ZC3HC1: variants seen among roughly 807,000 people sequenced by gnomAD.
ZC3HC1 encodes the protein zinc finger C3HC-type protein 1.
Under a neutral mutation model 61.9 loss-of-function variants are expected in ZC3HC1, and 38 were observed. The ratio of observed to expected loss-of-function variants is 0.61; its 90% CI spans 0.47 to 0.81. The LOEUF is 0.81. ZC3HC1 is among the 30% of genes least tolerant of loss of function. ZC3HC1 has a pLI of 0.00. For missense variants in ZC3HC1, 554 were observed against 622.7 expected (o/e 0.89, Z 1.17); for synonymous variants, 213 against 229.9 (o/e 0.93, Z 0.67).
At chr7:130,042,571 G>A (rs931086051) in intron 2 of ZC3HC1, among the ~76,000 whole-genome samples, 3 of 152,152 alleles carry the variant, frequency 2.0e-5, no homozygotes, top group Non-Finnish European at 4.4e-5. Context: ...AGTATCAATG[G>A]GGATGTGTGA....
intron 4 of ZC3HC1, among the ~76,000 whole-genome samples, chr7:130,032,858 G>T (rs934890443): frequency 1.3e-5 from 2 of 148,830 alleles, no homozygotes; most frequent in African/African-American, 4.9e-5. Context: ...GGGAAGGAGG[G>T]AGGGAGGAAG....
intron 2 of ZC3HC1, chr7:130,043,828 G>C: frequency 4.4e-6 from 2 of 455,630 alleles, no homozygotes. Flanking sequence ...AAGAAAGGAT[G>C]GCAGCATGGC....
At chr7:130,030,562 A>G (rs1794135844) in intron 4 of ZC3HC1, among the ~76,000 whole-genome samples, 1 of 152,014 alleles carries the variant, frequency 6.6e-6, no homozygotes, top group Admixed American at 6.6e-5. Context: ...AAAAGTGAAG[A>G]GAGAACATGT....
intron 9 of ZC3HC1, 64 bp downstream of exon 9, chr7:130,022,255 G>A: frequency 6.2e-7 from 1 of 1,600,494 alleles, no homozygotes; most frequent in African/African-American, 1.3e-5. Context: ...TATAGGCCCA[G>A]CCTCTGCTCC....
chr7:130,026,216 A>C lies in ZC3HC1; in HGVS notation c.718T>G (p.Ser240Ala). The change falls in exon 6 of 10, where the codon TCA becomes GCA. Residue 240 changes from serine (S) to alanine (A), a missense_variant. By Grantham distance (99) the Ser-to-Ala change is moderately conservative (BLOSUM62 1). Coordinates refer to ENST00000358303, the MANE Select transcript of ZC3HC1 (RefSeq NM_016478.5). ...GCAGTGACGTGGACTTGGATGTCTGAGCCTAATTTGATTGTAGTTTTTCTC... is the reference window on the plus strand; with the variant it reads ...GCAGTGACGTGGACTTGGATGTCTGCGCCTAATTTGATTGTAGTTTTTCTC... ...DERKTTIKLG[S>A]DIQVHVTACI... The C allele has an allele frequency of 2.5e-6, 4 of 1,614,134 alleles. No homozygotes were observed. The highest frequency in any genetic ancestry group is 2.5e-6 in the Non-Finnish European group (3 of 1,180,006).
chr7:130,034,119 AT>A (rs1301941072), intron 4 of ZC3HC1, among the ~76,000 whole-genome samples: 13 of 150,950 alleles, frequency 8.6e-5, no homozygotes, highest in Admixed American at 7.9e-4. Context: ...TGAGTTTATA[AT>A]TTATTTTCCC....
chr7:130,050,541 A>G (rs1795037042), intron 1 of ZC3HC1: 2 of 1,405,074 alleles, frequency 1.4e-6, no homozygotes, highest in Non-Finnish European at 1.9e-6. Context: ...TAAAAATGAC[A>G]TTTATTTCTC....
At chr7:130,041,163 T>TGA (rs2116751082) in intron 2 of ZC3HC1, 62 bp from the exon 3 acceptor site, 1 of 1,515,442 alleles carries the variant, frequency 6.6e-7, no homozygotes, top group South Asian at 1.3e-5. Flanking sequence ...TATGTGTGTG[T>TGA]GTGTGTGTGT....
intron 4 of ZC3HC1, among the ~76,000 whole-genome samples, chr7:130,031,418 G>C (rs1794186432): frequency 6.6e-6 from 1 of 151,842 alleles, no homozygotes; most frequent in Non-Finnish European, 1.5e-5. Context: ...AAAAGAGGTG[G>C]AGCTCCTCCA....
chr7:130,039,429 A>G, intron 4 of ZC3HC1, 35 bp downstream of exon 4: 1 of 1,531,704 alleles, frequency 6.5e-7, no homozygotes, highest in South Asian at 1.2e-5. Context: ...ATGATGAAGG[A>G]AAAATGGTGA....
At chr7:130,034,725 A>T (rs1401310512) in intron 4 of ZC3HC1, among the ~76,000 whole-genome samples, 1 of 152,098 alleles carries the variant, frequency 6.6e-6, no homozygotes, top group East Asian at 1.9e-4. Context: ...TCCTGGCCGC[A>T]AGTGATCCTC....
intron 4 of ZC3HC1, among the ~76,000 whole-genome samples, chr7:130,032,846 A>C (rs1483888695): frequency 1.4e-5 from 2 of 138,002 alleles, no homozygotes; most frequent in Non-Finnish European, 3.1e-5. Context: ...GATGGGAAGG[A>C]GGGGAAGGAG....
chr7:130,022,955 G>A (rs1479178352), intron 8 of ZC3HC1: 2 of 210,666 alleles, frequency 9.5e-6, no homozygotes, highest in South Asian at 6.6e-5. Flanking sequence ...TCTAGACTTC[G>A]GGCTCCTTAT....
In ZC3HC1 at chr7:130,051,349, C is replaced by A; in HGVS notation, c.18G>T (p.Glu6Asp). The A allele has an allele frequency of 6.2e-7, 1 of 1,612,922 alleles. No homozygotes were observed. Among genetic ancestry groups the A allele is most frequent in the African/African-American group, 1.3e-5 (1 of 75,002 alleles). The change falls in exon 1 of 10, where the codon GAG (glutamate) becomes GAT (aspartate). Residue 6 changes from glutamate to aspartate, a missense_variant. Glu to Asp is a conservative substitution (Grantham distance 45). Coordinates refer to ENST00000358303, the MANE Select transcript of ZC3HC1 (RefSeq NM_016478.5). ...CAACCCCTACGGCAAACGCTTGTCC[C>A]TCACAGGGCGCCGCCATCTTGGTCC... MAAPC[E>D]GQAFAVGVEK...
At chr7:130,026,526 G>T in intron 5 of ZC3HC1, 1 of 447,548 alleles carries the variant, frequency 2.2e-6, no homozygotes, top group Non-Finnish European at 3.9e-6. Context: ...GACTGAGAAA[G>T]ATGGAGTCTC....
rs35780865 is a variant in ZC3HC1 at position 130,034,484 on chromosome 7, C to CA, written c.493+4979dup. On this transcript the variant is annotated intron_variant, in intron 4 of 9. Transcript: ENST00000358303. Reference sequence around the variant, plus strand: ...TGGGCGACAGAGCGAGACTCCGTCTCAAAAAAAAAAAAAAAAAAAAAAAAA... The same window carrying CA: ...TGGGCGACAGAGCGAGACTCCGTCTCAAAAAAAAAAAAAAAAAAAAAAAAAA... Among the ~76,000 whole-genome samples, 17 of 62,272 alleles carry CA rather than the reference C, an allele frequency of 2.7e-4. 2 individuals carry two copies. The highest frequency in any genetic ancestry group is 3.5e-4 in the Non-Finnish European group (12 of 34,436). The allele number at this position is 62,272 out of a possible 152,430, so 40.9% of individuals were successfully genotyped here. A position where few individuals can be genotyped will look rare whatever the true frequency, so the allele number is the denominator to read the frequency against.
intron 4 of ZC3HC1, among the ~76,000 whole-genome samples, chr7:130,033,770 A>G (rs1276757357): frequency 1.3e-5 from 2 of 152,092 alleles, no homozygotes; most frequent in East Asian, 1.9e-4. Context: ...GCATTCTTGA[A>G]AGCATTCTTG....
chr7:130,042,213 G>C (rs900763144), intron 2 of ZC3HC1, among the ~76,000 whole-genome samples: 1 of 151,344 alleles, frequency 6.6e-6, no homozygotes, highest in African/African-American at 2.4e-5. Flanking sequence ...TGAGGGAGGA[G>C]GATGGCTTGA....
intron 5 of ZC3HC1, among the ~76,000 whole-genome samples, chr7:130,027,921 C>G (rs1313732026): frequency 6.6e-6 from 1 of 151,806 alleles, no homozygotes; most frequent in Non-Finnish European, 1.5e-5. Flanking sequence ...GTAATCCCAG[C>G]ACTTTGGGAG....
Sources: allele counts gnomAD v4.1 joint callset (sites outside exome capture counted in the v4.1 genomes callset), GRCh38; gene constraint gnomAD v4.1.1; transcripts MANE v1.5; gene names NCBI Gene and HGNC (gene_info 2026-07-23, HGNC 2026-07-21).